Variants in PRKAR1A observed in about 807,000 individuals in gnomAD.
The protein encoded by PRKAR1A is cAMP-dependent protein kinase type I-alpha regulatory subunit.
Under a neutral mutation model 52.0 loss-of-function variants are expected in PRKAR1A, and 3 were observed. That is an observed-to-expected ratio of 0.06 (90% CI 0.03 to 0.15). PRKAR1A has a LOEUF of 0.15. Ranked by LOEUF, PRKAR1A falls within the 10% of genes least tolerant of loss-of-function variation. The probability of loss-of-function intolerance (pLI) is 1.00; values close to 1 mark genes in which losing one functional copy is unlikely to be tolerated. For synonymous variants in PRKAR1A, 188 were observed against 168.4 expected, an observed-to-expected ratio of 1.12 and a Z score of -0.90; for missense variants, 240 against 477.4, an observed-to-expected ratio of 0.50 and a Z score of 4.63.
At chr17:68,526,948 A>G (rs537866305) in intron 7 of PRKAR1A, among the ~76,000 whole-genome samples, 5 of 152,358 alleles carry the variant, frequency 3.3e-5, no homozygotes, top group Non-Finnish European at 5.9e-5. Flanking sequence ...TATGGCAAAG[A>G]TAAGTCTAAA....
intron 11 of PRKAR1A, chr17:68,539,402 A>G: frequency 6.2e-7 from 1 of 1,614,092 alleles, no homozygotes; most frequent in South Asian, 1.1e-5. Flanking sequence ...CGAACCTAGG[A>G]GGAGAAACAG....
exon 12 of PRKAR1A, chr17:68,551,175 T>C: frequency 8.3e-7 from 1 of 1,210,872 alleles, no homozygotes; most frequent in Non-Finnish European, 1.0e-6. Context: ...TGCAGATCCT[T>C]TGGGGGCCAG....
Position 68,540,099 on chromosome 17 carries a change from A to C in PRKAR1A, c.973+10098A>C, listed in dbSNP as rs2086222011. Reference sequence around the variant, plus strand: ...GGGTGTGAACGAAGCTGGGCCTCACACTGTCATTTCCTCAGGGCCATCAGT... The same window carrying C: ...GGGTGTGAACGAAGCTGGGCCTCACCCTGTCATTTCCTCAGGGCCATCAGT... On this transcript the variant is annotated intron_variant, in intron 11 of 11. Transcript: ENST00000585981. 5.2e-6 allele frequency: 4 copies of C among 763,208 alleles called. No homozygotes were observed. The East Asian group carries it at 1.1e-4, about 20-fold the overall frequency. The allele number at this position is 763,208 out of a possible 1,614,324, so 47.3% of individuals were successfully genotyped here. A position where few individuals can be genotyped will look rare whatever the true frequency, so the allele number is the denominator to read the frequency against.
the PRKAR1A span, among the ~76,000 whole-genome samples, chr17:68,471,509 G>A: frequency 6.6e-6 from 1 of 152,162 alleles, no homozygotes; most frequent in South Asian, 2.1e-4. Flanking sequence ...CCAGCCATGT[G>A]TAACATCAAA....
chr17:68,462,774 T>A, the PRKAR1A span, among the ~76,000 whole-genome samples: 1 of 152,240 alleles, frequency 6.6e-6, no homozygotes, highest in South Asian at 2.1e-4. Flanking sequence ...CTGTGCTTCA[T>A]CCTATGAAGG....
At chr17:68,535,780 A>G (rs760791726), downstream of PRKAR1A, 1 of 453,302 alleles carries the variant, frequency 2.2e-6, no homozygotes, top group South Asian at 1.6e-5. Flanking sequence ...AAGTGCTGGG[A>G]TTACAGGTGT....
the PRKAR1A span, among the ~76,000 whole-genome samples, chr17:68,463,631 A>C: frequency 6.6e-6 from 1 of 152,146 alleles, no homozygotes; most frequent in African/African-American, 2.4e-5. Flanking sequence ...AGGGAGGAGA[A>C]ATTTTGCATA....
chr17:68,420,224 G>C, the PRKAR1A span: 1 of 1,614,136 alleles, frequency 6.2e-7, no homozygotes, highest in Non-Finnish European at 8.5e-7. Context: ...CACGGGGCCT[G>C]AGCTGCAGCA....
At chr17:68,467,833 T>G in the PRKAR1A span, among the ~76,000 whole-genome samples, 1 of 152,220 alleles carries the variant, frequency 6.6e-6, no homozygotes, top group African/African-American at 2.4e-5. Flanking sequence ...ACTTAGCTGC[T>G]TAGCTTCGGC....
chr17:68,546,576 A>C (rs2143576777), intron 11 of PRKAR1A, among the ~76,000 whole-genome samples: 1 of 152,122 alleles, frequency 6.6e-6, no homozygotes, highest in Non-Finnish European at 1.5e-5. Context: ...CGCGCCTATA[A>C]TCCCAGCACT....
chr17:68,471,486 A>G, the PRKAR1A span, among the ~76,000 whole-genome samples: 14 of 152,320 alleles, frequency 9.2e-5, no homozygotes, highest in Middle Eastern at 3.4e-3. Flanking sequence ...AACTTTTCAG[A>G]GAGCAGAACC....
chr17:68,487,107 C>G, the PRKAR1A span, among the ~76,000 whole-genome samples: 182 of 152,106 alleles, frequency 1.2e-3, 1 homozygote, highest in African/African-American at 4.3e-3. Flanking sequence ...CTCCTGACCT[C>G]GTGATCCGCC....
the PRKAR1A span, among the ~76,000 whole-genome samples, chr17:68,486,990 C>T: frequency 2.6e-5 from 4 of 152,052 alleles, no homozygotes; most frequent in South Asian, 2.1e-4. Context: ...TCTCCCAACT[C>T]GGCCTCCCCA....
chr17:68,524,879 G>T (rs1481776152), intron 5 of PRKAR1A, 33 bp from the exon 6 acceptor site: 2 of 1,524,750 alleles, frequency 1.3e-6, no homozygotes, highest in South Asian at 1.1e-5. Flanking sequence ...CTTTAATTTG[G>T]AATATGCTTC....
At chr17:68,444,915 C>CT in the PRKAR1A span, among the ~76,000 whole-genome samples, 647 of 89,048 alleles carry the variant, frequency 7.3e-3, 17 homozygotes, top group African/African-American at 0.017. Flanking sequence ...ATCCTGAACA[C>CT]TTTTTTTTTT....
downstream of PRKAR1A, chr17:68,537,538 A>T: frequency 6.2e-7 from 1 of 1,613,836 alleles, no homozygotes; most frequent in South Asian, 1.1e-5. This position sits in a 1 kb window ranked among gnomAD's most constrained non-coding sequence, Gnocchi z 4.2. Context: ...GCCGTCGACT[A>T]TGACACTCTG....
At chr17:68,523,485 A>G (rs1447157669) in intron 3 of PRKAR1A, among the ~76,000 whole-genome samples, 29 of 152,174 alleles carry the variant, frequency 1.9e-4, no homozygotes, top group Admixed American at 1.9e-3. Flanking sequence ...TTAGTTGTTA[A>G]CTGGGAACCA....
the PRKAR1A span, among the ~76,000 whole-genome samples, chr17:68,482,733 C>T: frequency 1.3e-5 from 2 of 152,142 alleles, no homozygotes; most frequent in African/African-American, 2.4e-5. Flanking sequence ...CATTGGCTCC[C>T]TTATCTGTTT....
the PRKAR1A span, chr17:68,420,605 C>A: frequency 2.0e-6 from 2 of 983,286 alleles, no homozygotes; most frequent in Non-Finnish European, 3.0e-6. Flanking sequence ...CATATCCCTT[C>A]TGTATCCTGT....
Sources: gnomAD v4.1 joint callset for allele counts (sites outside exome capture counted in the v4.1 genomes callset) on GRCh38, gnomAD v4.1.1 for gene constraint, Gnocchi (gnomAD v3.1) non-coding constraint, MANE v1.5 for transcripts, NCBI Gene and HGNC (gene_info 2026-07-23, HGNC 2026-07-21) for gene names.